SLC35D1: variants seen among roughly 807,000 people sequenced by gnomAD.
The protein encoded by SLC35D1 is nucleotide sugar transporter SLC35D1.
Under a neutral mutation model 46.7 loss-of-function variants are expected in SLC35D1, and 31 were observed. The observed-to-expected ratio is 0.66, with a 90% CI of 0.50 to 0.90. The LOEUF is 0.90. Ranked by LOEUF, SLC35D1 falls within the 40% of genes least tolerant of loss-of-function variation. The pLI is 0.00. For synonymous variants in SLC35D1, 195 were observed against 164.6 expected, an observed-to-expected ratio of 1.18 and a Z score of -1.41; for missense variants, 397 against 426.2, an observed-to-expected ratio of 0.93 and a Z score of 0.60.
chr1:67,047,422 TAA>T, intron 6 of SLC35D1, 55 bp from the exon 7 acceptor site: 1 of 1,368,094 alleles, frequency 7.3e-7, no homozygotes, highest in Non-Finnish European at 1.0e-6. Context: ...CATTTAATTT[TAA>T]ATAGATATAA....
chr1:67,020,050 G>T (rs1162841889), intron 10 of SLC35D1, among the ~76,000 whole-genome samples: 2 of 152,116 alleles, frequency 1.3e-5, no homozygotes, highest in African/African-American at 4.8e-5. Context: ...TCTCATTAGG[G>T]GTTAAAGGGA....
At chr1:67,031,122 T>C (rs1570628319) in intron 8 of SLC35D1, among the ~76,000 whole-genome samples, 1 of 152,210 alleles carries the variant, frequency 6.6e-6, no homozygotes, top group East Asian at 1.9e-4. Flanking sequence ...CTGCAGGACA[T>C]TAAAATAAAT....
chr1:67,045,070 T>C (rs912372951), intron 7 of SLC35D1, among the ~76,000 whole-genome samples: 2 of 150,580 alleles, frequency 1.3e-5, no homozygotes, highest in Admixed American at 1.3e-4. Flanking sequence ...TTAAGAAGGG[T>C]GCCCAGTCAG....
chr1:66,985,939 T>G, the SLC35D1 span: 1 of 984,726 alleles, frequency 1.0e-6, no homozygotes, highest in East Asian at 1.1e-4. Context: ...AAATTATTTT[T>G]GAAGCAAGAC....
Position 67,050,516 on chromosome 1 carries a change from A to C in SLC35D1, c.393-12T>G. ...TAAACATTGGCAAGCTGGAAAAAAA[A>C]AAGATAATTAGGTAAAATAGAATTT... is the stretch of plus-strand genomic sequence containing the variant. On this transcript the variant is annotated splice_polypyrimidine_tract_variant and intron_variant, in intron 4 of 11. Coordinates refer to ENST00000235345, the MANE Select transcript of SLC35D1 (RefSeq NM_015139.3). The C allele has an allele frequency of 6.2e-7, 1 of 1,606,224 alleles. No individual in the cohort carries two copies. Among genetic ancestry groups the C allele is most frequent in the South Asian group, 1.1e-5 (1 of 90,430 alleles).
At chr1:67,025,220 C>T (rs1440202616) in intron 8 of SLC35D1, among the ~76,000 whole-genome samples, 2 of 152,194 alleles carry the variant, frequency 1.3e-5, no homozygotes, top group Non-Finnish European at 2.9e-5. Flanking sequence ...GGGAGGGACA[C>T]AATTTAACCT....
At chr1:67,047,438 A>G (rs1645264218) in intron 6 of SLC35D1, 71 bp from the exon 7 acceptor site, 1 of 1,244,472 alleles carries the variant, frequency 8.0e-7, no homozygotes, top group Non-Finnish European at 1.2e-6. Context: ...GATATAAGCT[A>G]AAATATTTAC....
At chr1:67,035,394 T>G (rs1051616403) in intron 8 of SLC35D1, among the ~76,000 whole-genome samples, 1 of 152,176 alleles carries the variant, frequency 6.6e-6, no homozygotes, top group Non-Finnish European at 1.5e-5. Flanking sequence ...CTGTTCAGGT[T>G]TTGGATTTCT....
rs1667374101 is a variant in SLC35D1, at chr1:67,003,085, G to T, written c.*1255C>A. 6.6e-6 allele frequency: 1 copy of T among 152,490 alleles called. No homozygotes were observed. The highest frequency in any genetic ancestry group is 1.5e-5 in the Non-Finnish European group (1 of 68,048). 9.4% of individuals were successfully genotyped at this position (152,490 alleles called of 1,614,324 possible). ...AGGTGAGAATGTTGAAAGGAGGGAA[G>T]TTTGCTCATTGCTCATGCCATTTAA... On this transcript the variant is annotated 3_prime_UTR_variant, in exon 12 of 12. Coordinates refer to ENST00000235345, the MANE Select transcript of SLC35D1 (RefSeq NM_015139.3).
intron 10 of SLC35D1, among the ~76,000 whole-genome samples, 162 bp from the exon 11 acceptor site, chr1:67,009,329 T>C (rs997973243): frequency 6.6e-6 from 1 of 152,090 alleles, no homozygotes; most frequent in African/African-American, 2.4e-5. Flanking sequence ...GGAAGAACAC[T>C]ATTAAGGAAT....
the SLC35D1 span, chr1:66,985,242 A>G: frequency 1.0e-6 from 1 of 971,572 alleles, no homozygotes; most frequent in Non-Finnish European, 1.2e-6. Flanking sequence ...TTGATGTATT[A>G]ATCATAAAAT....
chr1:67,017,906 TTGTC>T (rs148694469), intron 10 of SLC35D1, among the ~76,000 whole-genome samples: 1,952 of 152,320 alleles, frequency 0.013, 34 homozygotes, highest in African/African-American at 0.045. Flanking sequence ...TTTCACTTCT[TTGTC>T]TATCTCTGAT....
At chr1:67,029,250 A>C (rs1282342005) in intron 8 of SLC35D1, among the ~76,000 whole-genome samples, 1 of 152,250 alleles carries the variant, frequency 6.6e-6, no homozygotes, top group African/African-American at 2.4e-5. Context: ...ATCTTTATGT[A>C]CATGACTATC....
downstream of SLC35D1, among the ~76,000 whole-genome samples, chr1:66,997,517 A>T (rs372647543): frequency 3.3e-3 from 79 of 24,154 alleles, no homozygotes; most frequent in East Asian, 0.02. Flanking sequence ...AAAAAAAAAA[A>T]AAATATATAT....
chr1:66,994,643 CAAAAAGAAAAA>C (rs1667219302), downstream of SLC35D1, among the ~76,000 whole-genome samples: 2 of 113,000 alleles, frequency 1.8e-5, no homozygotes, highest in Admixed American at 8.0e-5. Flanking sequence ...GACTCTGTCT[CAAAAAGAAAAA>C]AAAAAGAAAA....
chr1:67,028,673 C>T (rs532315891), intron 8 of SLC35D1, among the ~76,000 whole-genome samples: 4 of 152,116 alleles, frequency 2.6e-5, no homozygotes, highest in African/African-American at 9.6e-5. Context: ...ATCAAATTTG[C>T]AGAAAAAAAA....
intron 8 of SLC35D1, among the ~76,000 whole-genome samples, chr1:67,028,208 T>C (rs1667951678): frequency 6.6e-6 from 1 of 152,230 alleles, no homozygotes; most frequent in African/African-American, 2.4e-5. Context: ...ATATACTTTG[T>C]ATGGTTTCAA....
the SLC35D1 span, chr1:66,984,893 A>T: frequency 2.5e-6 from 4 of 1,584,012 alleles, no homozygotes; most frequent in Non-Finnish European, 3.4e-6. Flanking sequence ...GAAAACACAG[A>T]TGACTAAATT....
In SLC35D1 at chr1:67,021,660, G is replaced by A. The variant is rs143948811; in HGVS notation, c.730-58C>T. ...CCAGGCCTTCAAAATCAGCTATCCC[G>A]TTTTAATGTAAATCCTTCTACGAGT... On this transcript the variant is annotated intron_variant, in intron 8 of 11. Coordinates refer to ENST00000235345, the MANE Select transcript of SLC35D1 (RefSeq NM_015139.3). 1.9e-4 allele frequency: 288 copies of A among 1,524,150 alleles called. No homozygotes were observed. In the African/African-American group the frequency reaches 2.7e-3, roughly 14 times the overall value. 94.4% of individuals were successfully genotyped at this position (1,524,150 alleles called of 1,614,324 possible).
Sources: gnomAD v4.1 joint callset for allele counts (sites outside exome capture counted in the v4.1 genomes callset) on GRCh38, gnomAD v4.1.1 for gene constraint, MANE v1.5 for transcripts, NCBI Gene and HGNC (gene_info 2026-07-23, HGNC 2026-07-21) for gene names.